Variants in EPG5 observed in about 807,000 individuals in gnomAD.
EPG5 encodes the protein ectopic P-granules 5 autophagy tethering factor.
In EPG5, 159 loss-of-function variants were observed where a neutral mutation model predicts 302.7. That is an observed-to-expected ratio of 0.53 (90% confidence interval 0.46 to 0.60). EPG5 has a LOEUF of 0.60. Among genes scored for constraint, EPG5 ranks in the 20% least tolerant of loss-of-function variants. The pLI is 0.00. For missense variants in EPG5, 2,896 were observed against 3,092.4 expected (o/e 0.94, Z 1.51); for synonymous variants, 1,158 against 1,136.8 (o/e 1.02, Z -0.37).
chr18:45,865,764 CCAA>C lies in EPG5; in HGVS notation c.6622-8_6622-6del. On this transcript the variant is annotated splice_region_variant and splice_polypyrimidine_tract_variant and intron_variant, in intron 38 of 43. Transcript: ENST00000282041. Reference sequence around the variant, plus strand: ...TTGGCATTTTGGAACTGCATCCTGACCAAAAAAAAAAAAAAAAATCATTCAAAT... The same window carrying C: ...TTGGCATTTTGGAACTGCATCCTGACAAAAAAAAAAAAAAATCATTCAAAT... 2 of 1,425,654 alleles carry C rather than the reference CCAA, an allele frequency of 1.4e-6. No homozygotes were observed. The highest frequency in any genetic ancestry group is 2.7e-5 in the Admixed American group (1 of 37,424). 88.3% of individuals were successfully genotyped at this position (1,425,654 alleles called of 1,614,324 possible).
Position 45,861,285 on chromosome 18 carries a change from T to C in EPG5, c.6767-939A>G, listed in dbSNP as rs551944119. On this transcript the variant is annotated intron_variant, in intron 39 of 43. Coordinates refer to ENST00000282041, the MANE Select transcript of EPG5 (RefSeq NM_020964.3). ...TAGTAACAGTATATCTGTCTATTTCTTCATGTATTTCTATGGGTACAAATA... is the reference window on the plus strand; with the variant it reads ...TAGTAACAGTATATCTGTCTATTTCCTCATGTATTTCTATGGGTACAAATA... Among the ~76,000 whole-genome samples the C allele has an allele frequency of 6.6e-5, 10 of 152,364 alleles. No individual in the cohort carries two copies. In the South Asian group the frequency reaches 2.1e-3, roughly 32 times the overall value.
At position 45,880,218 on chromosome 18, in the gene EPG5, C is replaced by T. The variant is rs1461655489; in HGVS notation, c.5524G>A (p.Ala1842Thr). ...DILRLLMQSS[A>T]EQLLSPECWK... The stretch of plus-strand genomic sequence containing the variant: ...CACTCGGGGCTCAGAAGCTGCTCCG[C>T]GGAGCCTGCCAGCAGGGACAGGAAG... Residue 1842 changes from alanine to threonine, a missense_variant, in exon 32 of 44, where the codon GCG becomes ACG. Physicochemically the swap from Ala to Thr is moderately conservative, Grantham distance 58. Transcript: ENST00000282041. 3.1e-6 allele frequency: 5 copies of T among 1,591,960 alleles called. No individual in the cohort carries two copies. Among genetic ancestry groups the T allele is most frequent in the East Asian group, 2.3e-5 (1 of 44,438 alleles).
chr18:45,944,233 T>C, intron 7 of EPG5, 114 bp from the exon 8 acceptor site: 2 of 646,536 alleles, frequency 3.1e-6, no homozygotes, highest in Admixed American at 2.5e-5. Context: ...GATATCCTCA[T>C]GAGTCTTCAT....
At chr18:45,874,643 A>T (rs1223685456) in intron 35 of EPG5, among the ~76,000 whole-genome samples, 1 of 152,314 alleles carries the variant, frequency 6.6e-6, no homozygotes, top group East Asian at 1.9e-4. Context: ...CCAGGAGAAC[A>T]GTATGAGGGA....
intron 40 of EPG5, 24 bp from the exon 41 acceptor site, chr18:45,858,806 CA>C (rs2048571562): frequency 6.6e-7 from 1 of 1,516,834 alleles, no homozygotes; most frequent in Admixed American, 1.7e-5. Context: ...GAAGAGACAT[CA>C]AGATATAGGC....
chr18:45,893,504 G>T (rs184674905), intron 27 of EPG5, among the ~76,000 whole-genome samples: 27 of 151,494 alleles, frequency 1.8e-4, no homozygotes, highest in African/African-American at 6.3e-4. Context: ...AGTGAGCCAA[G>T]ATCGCACCAC....
At chr18:45,891,965 G>A (rs1345165639) in intron 27 of EPG5, among the ~76,000 whole-genome samples, 1 of 152,144 alleles carries the variant, frequency 6.6e-6, no homozygotes, top group Non-Finnish European at 1.5e-5. Context: ...GACTATGCGT[G>A]TCACAGAATC....
chr18:45,942,819 C>T (rs550290203), intron 9 of EPG5, among the ~76,000 whole-genome samples: 1 of 152,188 alleles, frequency 6.6e-6, no homozygotes, highest in African/African-American at 2.4e-5. Flanking sequence ...AAAAGCAGTA[C>T]ATATTCTCTA....
intron 13 of EPG5, among the ~76,000 whole-genome samples, chr18:45,926,633 C>T (rs1223616674): frequency 6.6e-6 from 1 of 151,982 alleles, no homozygotes; most frequent in Admixed American, 6.6e-5. Context: ...TTGAGACCAG[C>T]CTGGCCAACA....
In EPG5 at chr18:45,887,906, C is replaced by A; in HGVS notation, c.4954G>T (p.Ala1652Ser). Reference protein sequence around the residue: ...AAVHAENLITALVNAYKLQPT... With the variant: ...AAVHAENLITSLVNAYKLQPT... ...TGCAACTTGTAGGCATTCACTAAGG[C>A]CCTGTGGGAAAATGTGGGTAAGACT... is the stretch of plus-strand genomic sequence containing the variant. Residue 1652 changes from alanine to serine, a missense_variant and splice_region_variant, in exon 29 of 44, where the codon GCC (alanine) becomes TCC (serine). Around this residue, in one of 5 missense-constraint regions of EPG5, gnomAD observed 790 missense variants for 798.0 expected, o/e 0.99. Transcript: ENST00000282041. 6.4e-7 allele frequency: 1 copy of A among 1,551,022 alleles called. No homozygotes were observed. The highest frequency in any genetic ancestry group is 1.2e-5 in the South Asian group (1 of 85,072).
At chr18:45,957,290 T>C (rs1265318038) in intron 1 of EPG5, among the ~76,000 whole-genome samples, 1 of 152,156 alleles carries the variant, frequency 6.6e-6, no homozygotes, top group East Asian at 1.9e-4. Flanking sequence ...CAAGAAGTAA[T>C]ATGACCCTCC....
chr18:45,948,603 C>G (rs1280027632), intron 5 of EPG5, 27 bp from the exon 6 acceptor site: 1 of 1,574,270 alleles, frequency 6.4e-7, no homozygotes, highest in African/African-American at 1.3e-5. Context: ...AAAAAGCATA[C>G]TGTAGAAAAC....
intron 6 of EPG5, among the ~76,000 whole-genome samples, chr18:45,947,661 G>GATCT (rs1266483334): frequency 6.6e-5 from 10 of 152,086 alleles, no homozygotes; most frequent in African/African-American, 2.4e-4. Flanking sequence ...CAGCCACACT[G>GATCT]ATCTACCTGT....
chr18:45,900,580 CTT>C (rs2049591580), intron 26 of EPG5, among the ~76,000 whole-genome samples: 1 of 152,116 alleles, frequency 6.6e-6, no homozygotes, highest in African/African-American at 2.4e-5. Context: ...AAAACAATGA[CTT>C]TTCCACACTT....
chr18:45,829,999 C>A, the EPG5 span, among the ~76,000 whole-genome samples: 100 of 152,290 alleles, frequency 6.6e-4, no homozygotes, highest in Non-Finnish European at 1.2e-3. Flanking sequence ...CTGTGACACC[C>A]TGGAGAGGGT....
At chr18:45,917,543 T>A in intron 17 of EPG5, 136 bp downstream of exon 17, 1 of 920,486 alleles carries the variant, frequency 1.1e-6, no homozygotes, top group Non-Finnish European at 1.7e-6. Context: ...TAAACTGGGG[T>A]GCAGAATATT....
At chr18:45,876,503 G>A (rs1018672008) in intron 34 of EPG5, among the ~76,000 whole-genome samples, 161 bp from the exon 35 acceptor site, 3 of 152,170 alleles carry the variant, frequency 2.0e-5, no homozygotes, top group Admixed American at 2.0e-4. Flanking sequence ...CAGGCGAATT[G>A]TAGCTTGTAA....
rs984316056 is a variant in EPG5, at chr18:45,955,433, A to T, written c.64-95T>A. 5 of 861,452 alleles carry T rather than the reference A, an allele frequency of 5.8e-6. No individual in the cohort carries two copies. The East Asian group carries it at 1.4e-4, about 23-fold the overall frequency. The allele number at this position is 861,452 out of a possible 1,614,324, so 53.4% of individuals were successfully genotyped here. A position where few individuals can be genotyped will look rare whatever the true frequency, so the allele number is the denominator to read the frequency against. On this transcript the variant is annotated intron_variant, in intron 1 of 43. Coordinates refer to ENST00000282041, the MANE Select transcript of EPG5 (RefSeq NM_020964.3). ...AAGTTGCACATAAAATCTAAATTTC[A>T]TCATGTAACAAATGAAACCTAAATT...
In EPG5 at chr18:45,887,995, C is replaced by T. The variant is rs2049255359; in HGVS notation, c.4953-88G>A. ...CTTTGATACCCTACAATTTCTCAGG[C>T]AATATTCTTAAGAATCCTCAGAGCA... On this transcript the variant is annotated intron_variant, in intron 28 of 43. Coordinates refer to ENST00000282041, the MANE Select transcript of EPG5 (RefSeq NM_020964.3). The T allele has an allele frequency of 3.7e-6, 4 of 1,072,828 alleles. No homozygotes were observed. The Admixed American group carries it at 8.7e-5, about 23-fold the overall frequency. 66.5% of individuals were successfully genotyped at this position (1,072,828 alleles called of 1,614,324 possible).
Sources: gnomAD v4.1 joint callset for allele counts (sites outside exome capture counted in the v4.1 genomes callset) on GRCh38, gnomAD v4.1.1 for gene constraint, gnomAD v4.1.1 regional missense constraint, MANE v1.5 for transcripts, NCBI Gene and HGNC (gene_info 2026-07-23, HGNC 2026-07-21) for gene names.